SMYD3: variants seen among roughly 807,000 people sequenced by gnomAD.
SMYD3 encodes histone-lysine N-methyltransferase SMYD3.
In SMYD3, 36 loss-of-function variants were observed where a neutral mutation model predicts 57.7. The ratio of observed to expected loss-of-function variants is 0.62; its 90% CI spans 0.48 to 0.82. SMYD3 has a LOEUF of 0.82. Ranked by LOEUF, SMYD3 falls within the 40% of genes least tolerant of loss-of-function variation. The pLI is 0.00. For synonymous variants in SMYD3, 211 were observed against 195.0 expected (o/e 1.08, Z -0.68); for missense variants, 515 against 538.8 (o/e 0.96, Z 0.44).
chr1:246,157,246 C>T (rs2062036027), intron 5 of SMYD3, among the ~76,000 whole-genome samples: 1 of 152,140 alleles, frequency 6.6e-6, no homozygotes, highest in African/African-American at 2.4e-5. Context: ...AAGTGTCCTT[C>T]AGGGAGGTCT....
chr1:246,009,803 ATC>A (rs996817881), intron 5 of SMYD3, among the ~76,000 whole-genome samples: 2 of 98,926 alleles, frequency 2.0e-5, no homozygotes, highest in African/African-American at 3.6e-5. Context: ...CTCATGTAAG[ATC>A]TTTTTTTTTT....
At chr1:246,126,509 AC>A (rs1281836930) in intron 5 of SMYD3, among the ~76,000 whole-genome samples, 1 of 152,248 alleles carries the variant, frequency 6.6e-6, no homozygotes, top group Non-Finnish European at 1.5e-5. Flanking sequence ...GAGGAATTAT[AC>A]TTTGTTTTGT....
intron 5 of SMYD3, among the ~76,000 whole-genome samples, chr1:246,061,776 C>T (rs1485607709): frequency 6.6e-6 from 1 of 151,972 alleles, no homozygotes; most frequent in Non-Finnish European, 1.5e-5. Context: ...CACAAAAACC[C>T]AGAAACAGTG....
At chr1:246,387,848 C>G (rs2066511321) in intron 1 of SMYD3, among the ~76,000 whole-genome samples, 1 of 127,942 alleles carries the variant, frequency 7.8e-6, no homozygotes, top group African/African-American at 3.0e-5. Context: ...AGCATTCATT[C>G]TTGAAAATCA....
intron 5 of SMYD3, among the ~76,000 whole-genome samples, chr1:246,009,335 A>G (rs933582328): frequency 3.9e-5 from 6 of 152,220 alleles, no homozygotes; most frequent in African/African-American, 1.4e-4. Context: ...GCCTGAAGCT[A>G]GAGGACACCA....
chr1:245,766,443 G>A (rs1485401730), intron 10 of SMYD3, among the ~76,000 whole-genome samples: 3 of 150,822 alleles, frequency 2.0e-5, no homozygotes, highest in Non-Finnish European at 4.4e-5. Flanking sequence ...GGGAGCGGAA[G>A]GGGGAACAAC....
intron 10 of SMYD3, among the ~76,000 whole-genome samples, chr1:245,810,840 C>T (rs2048427487): frequency 6.6e-6 from 1 of 152,190 alleles, no homozygotes; most frequent in Non-Finnish European, 1.5e-5. Flanking sequence ...GATGAGGCTG[C>T]CAAAGCCACG....
rs570953616 is a variant in SMYD3 at position 246,054,972 on chromosome 1, G to A, written c.532-125035C>T. Among the ~76,000 whole-genome samples the A allele has an allele frequency of 6.4e-4, 97 of 151,070 alleles. 2 individuals carry two copies. In the South Asian group the frequency reaches 0.019, roughly 30 times the overall value. On this transcript the variant is annotated intron_variant, in intron 5 of 11. Transcript: ENST00000490107. Reference sequence around the variant, plus strand: ...GGGCGGATCACGAGGTCAGGAGATCGTGACCATCCTGGCTAACATGGTGAA... The same window carrying A: ...GGGCGGATCACGAGGTCAGGAGATCATGACCATCCTGGCTAACATGGTGAA...
At chr1:246,465,572 G>A (rs890909763) in intron 1 of SMYD3, among the ~76,000 whole-genome samples, 8 of 152,178 alleles carry the variant, frequency 5.3e-5, no homozygotes, top group African/African-American at 1.7e-4. Flanking sequence ...GGTGGCTCAT[G>A]CCTGTAATCC....
chr1:246,036,414 A>G (rs1486736297), intron 5 of SMYD3, among the ~76,000 whole-genome samples: 1 of 152,006 alleles, frequency 6.6e-6, no homozygotes, highest in Non-Finnish European at 1.5e-5. Flanking sequence ...CAATTTCATC[A>G]TTTCTTGGGA....
chr1:246,290,820 A>G (rs962264346), intron 5 of SMYD3, among the ~76,000 whole-genome samples: 2 of 152,100 alleles, frequency 1.3e-5, no homozygotes, highest in Non-Finnish European at 2.9e-5. Context: ...AATACACACA[A>G]TCTTAATTTA....
At chr1:246,006,503 A>G (rs928605981) in intron 5 of SMYD3, among the ~76,000 whole-genome samples, 7 of 152,178 alleles carry the variant, frequency 4.6e-5, no homozygotes, top group Non-Finnish European at 7.3e-5. Context: ...CTTTCCCCAC[A>G]TACTTACAAA....
At chr1:246,250,466 G>A (rs2063781244) in intron 5 of SMYD3, among the ~76,000 whole-genome samples, 3 of 152,220 alleles carry the variant, frequency 2.0e-5, no homozygotes, top group Admixed American at 6.5e-5. Context: ...GTCCAAACAC[G>A]TAAGTTTACA....
At chr1:246,162,015 C>T (rs1393658528) in intron 5 of SMYD3, among the ~76,000 whole-genome samples, 1 of 152,106 alleles carries the variant, frequency 6.6e-6, no homozygotes, top group African/African-American at 2.4e-5. Context: ...GACAGCGTGG[C>T]AGAGCTGTGG....
chr1:246,089,033 G>C (rs540822340), intron 5 of SMYD3, among the ~76,000 whole-genome samples: 35 of 152,234 alleles, frequency 2.3e-4, no homozygotes, highest in African/African-American at 8.2e-4. Flanking sequence ...ACTCAGGCTG[G>C]AGTGCAGTGG....
At chr1:245,922,603 T>C (rs928343127) in intron 7 of SMYD3, among the ~76,000 whole-genome samples, 2 of 59,466 alleles carry the variant, frequency 3.4e-5, no homozygotes, top group Non-Finnish European at 1.1e-4. Flanking sequence ...AAATCTCTAA[T>C]GTCATATTTT....
chr1:246,150,042 G>GC (rs1032011049), intron 5 of SMYD3, among the ~76,000 whole-genome samples: 1 of 152,112 alleles, frequency 6.6e-6, no homozygotes, highest in African/African-American at 2.4e-5. Context: ...AAGAAATTCT[G>GC]TTTTTTTAAC....
At chr1:246,424,424 A>AAAAT (rs1188349922) in intron 1 of SMYD3, among the ~76,000 whole-genome samples, 1 of 152,116 alleles carries the variant, frequency 6.6e-6, no homozygotes, top group Non-Finnish European at 1.5e-5. Flanking sequence ...ATAAATTAAA[A>AAAAT]AAATAAATAA....
rs537509929 is a variant in SMYD3, at chr1:245,864,739, T to C, written c.814-853A>G. 7.6e-5 allele frequency among the ~76,000 whole-genome samples: 11 copies of C among 144,134 alleles called. No homozygotes were observed. The South Asian group carries it at 1.8e-3, about 23-fold the overall frequency. 94.6% of individuals were successfully genotyped at this position (144,134 alleles called of 152,430 possible). Reference sequence around the variant, plus strand: ...GACTGAAAACCACTGAACTGTACACTTTAACTGGGTGAATTTCATCACAGG... The same window carrying C: ...GACTGAAAACCACTGAACTGTACACCTTAACTGGGTGAATTTCATCACAGG... On this transcript the variant is annotated intron_variant, in intron 8 of 11. Coordinates refer to ENST00000490107, the MANE Select transcript of SMYD3 (RefSeq NM_001167740.2).
Sources: allele counts gnomAD v4.1 joint callset (sites outside exome capture counted in the v4.1 genomes callset), GRCh38; gene constraint gnomAD v4.1.1; transcripts MANE v1.5; gene names NCBI Gene and HGNC (gene_info 2026-07-23, HGNC 2026-07-21).